The following MBNL2 variants were observed in gnomAD, a reference collection of about 807,000 sequenced individuals.
The protein encoded by MBNL2 is muscleblind like splicing regulator 2.
A neutral mutation model predicts 41.9 loss-of-function variants in MBNL2; 17 were observed. That is an observed-to-expected ratio of 0.41 (90% CI 0.28 to 0.61). The LOEUF (loss-of-function observed/expected upper bound fraction) is 0.61. MBNL2 is among the 20% of genes least tolerant of loss of function. The probability of loss-of-function intolerance (pLI) is 0.35; values close to 1 mark genes in which losing one functional copy is unlikely to be tolerated. For synonymous variants in MBNL2, 195 were observed against 182.9 expected (o/e 1.07, Z -0.53); for missense variants, 336 against 505.6 (o/e 0.66, Z 3.22).
chr13:97,197,444 T>A, the MBNL2 span, among the ~76,000 whole-genome samples: 1 of 152,242 alleles, frequency 6.6e-6, no homozygotes, highest in Non-Finnish European at 1.5e-5. Flanking sequence ...CTCAGTTTAA[T>A]GTTTATTCAT....
At chr13:97,143,848 G>C in the MBNL2 span, among the ~76,000 whole-genome samples, 1 of 151,994 alleles carries the variant, frequency 6.6e-6, no homozygotes, top group Non-Finnish European at 1.5e-5. Flanking sequence ...TTTTTGGTTT[G>C]TTTTGATTTT....
At chr13:97,290,605 A>G (rs1385865400) in intron 2 of MBNL2, among the ~76,000 whole-genome samples, 5 of 151,112 alleles carry the variant, frequency 3.3e-5, no homozygotes, top group South Asian at 2.1e-4. Context: ...GAACCCGGGA[A>G]GCGGAGCTTG....
rs532322628 is a variant in MBNL2 at position 97,320,711 on chromosome 13, C to T, written c.175-13565C>T. On this transcript the variant is annotated intron_variant, in intron 2 of 8. Transcript: ENST00000679496. ...GGTGGATCACCTGAGATTAAGAGTT[C>T]GAGACCAGCCTGGCCAACATGGTAA... Among the ~76,000 whole-genome samples the T allele has an allele frequency of 3.3e-4, 50 of 151,930 alleles. No homozygotes were observed. The South Asian group carries it at 9.6e-3, about 29-fold the overall frequency.
chr13:97,379,305 C>T (rs900725035), intron 8 of MBNL2, among the ~76,000 whole-genome samples: 4 of 152,224 alleles, frequency 2.6e-5, no homozygotes, highest in African/African-American at 4.8e-5. Context: ...GCACCATTCA[C>T]TCTTCCCAGG....
chr13:97,301,717 C>T (rs1438047766), intron 2 of MBNL2, among the ~76,000 whole-genome samples: 1 of 152,222 alleles, frequency 6.6e-6, no homozygotes, highest in African/African-American at 2.4e-5. Context: ...CAGTCCAGCT[C>T]CACTGGCCCA....
chr13:97,256,769 A>G (rs965287525), intron 1 of MBNL2, among the ~76,000 whole-genome samples: 6 of 152,190 alleles, frequency 3.9e-5, no homozygotes, highest in Non-Finnish European at 7.4e-5. Flanking sequence ...GCCCGAGGGT[A>G]TAGGGTTGTA....
At chr13:97,233,914 A>G (rs7990600) in intron 1 of MBNL2, among the ~76,000 whole-genome samples, 1,940 of 152,208 alleles carry the variant, frequency 0.013, 48 homozygotes, top group African/African-American at 0.044. Flanking sequence ...ACTTTTTCAC[A>G]TTACACAGGA....
In MBNL2 at chr13:97,391,847, G is replaced by C. The variant is rs879042508; in HGVS notation, c.*398G>C. The C allele has an allele frequency of 5.9e-6, 1 of 168,426 alleles. No homozygotes were observed. Among genetic ancestry groups the C allele is most frequent in the East Asian group, 1.9e-4 (1 of 5,304 alleles). The allele number at this position is 168,426 out of a possible 1,614,324, so 10.4% of individuals were successfully genotyped here. A position where few individuals can be genotyped will look rare whatever the true frequency, so the allele number is the denominator to read the frequency against. On this transcript the variant is annotated 3_prime_UTR_variant, in exon 9 of 9. Transcript: ENST00000679496. ...GATCAAAGGGTATGTTTCACTTCTT[G>C]ACAATATAAATGCTGCAGCAAAGAT...
At chr13:97,159,497 G>T in the MBNL2 span, among the ~76,000 whole-genome samples, 1 of 152,006 alleles carries the variant, frequency 6.6e-6, no homozygotes, top group African/African-American at 2.4e-5. Context: ...AGTCTCGATG[G>T]TCATTACATT....
chr13:97,152,253 A>G, the MBNL2 span, among the ~76,000 whole-genome samples: 1 of 152,184 alleles, frequency 6.6e-6, no homozygotes, highest in East Asian at 1.9e-4. Flanking sequence ...AAAACCTTCT[A>G]GAATGGGGAA....
chr13:97,173,566 C>T, the MBNL2 span, among the ~76,000 whole-genome samples: 4 of 152,148 alleles, frequency 2.6e-5, no homozygotes, highest in Non-Finnish European at 5.9e-5. Flanking sequence ...CTGGCCTCTC[C>T]TTAGTCTTTA....
the MBNL2 span, among the ~76,000 whole-genome samples, chr13:97,198,762 C>T: frequency 1.3e-5 from 2 of 152,194 alleles, no homozygotes; most frequent in South Asian, 4.2e-4. Flanking sequence ...AACAATCCTT[C>T]AGAAAGACCC....
chr13:97,210,895 CT>C, the MBNL2 span, among the ~76,000 whole-genome samples: 4 of 152,034 alleles, frequency 2.6e-5, no homozygotes, highest in East Asian at 7.7e-4. Context: ...AGTCCAGTTC[CT>C]GGTGTGGGAA....
intron 1 of MBNL2, among the ~76,000 whole-genome samples, chr13:97,242,608 C>T (rs1327735932): frequency 1.3e-5 from 2 of 152,074 alleles, no homozygotes; most frequent in African/African-American, 4.8e-5. Context: ...CAGAAACATC[C>T]CCAGTCCCCG....
chr13:97,286,375 C>T (rs981939000), intron 2 of MBNL2, among the ~76,000 whole-genome samples: 6 of 152,150 alleles, frequency 3.9e-5, no homozygotes, highest in Non-Finnish European at 8.8e-5. Flanking sequence ...AAGTCCTGTT[C>T]TCTCAGTCTT....
chr13:97,179,105 T>A, the MBNL2 span, among the ~76,000 whole-genome samples: 1 of 152,184 alleles, frequency 6.6e-6, no homozygotes, highest in African/African-American at 2.4e-5. Flanking sequence ...CATATCAACA[T>A]GGATCAGTCT....
At chr13:97,200,155 G>T in the MBNL2 span, among the ~76,000 whole-genome samples, 4 of 152,234 alleles carry the variant, frequency 2.6e-5, no homozygotes, top group African/African-American at 9.6e-5. Flanking sequence ...GCCACTTGCT[G>T]GAGATGCTGG....
At chr13:97,191,981 G>A in the MBNL2 span, among the ~76,000 whole-genome samples, 1 of 152,152 alleles carries the variant, frequency 6.6e-6, no homozygotes, top group African/African-American at 2.4e-5. Context: ...TGACTGTGAT[G>A]CATTTCCTAA....
chr13:97,249,682 G>C (rs1158129443), intron 1 of MBNL2, among the ~76,000 whole-genome samples: 4 of 151,988 alleles, frequency 2.6e-5, no homozygotes, highest in African/African-American at 9.7e-5. Flanking sequence ...TTTTCCTTTA[G>C]GATATATCCC....
Sources: gnomAD v4.1 joint callset for allele counts (sites outside exome capture counted in the v4.1 genomes callset) on GRCh38, gnomAD v4.1.1 for gene constraint, MANE v1.5 for transcripts, NCBI Gene and HGNC (gene_info 2026-07-23, HGNC 2026-07-21) for gene names.